The following RASSF3 variants were observed in gnomAD, a reference collection of about 807,000 sequenced individuals.
RASSF3 encodes the protein Ras association domain family member 3.
RASSF3 carries 19 observed loss-of-function variants against 19.9 expected under a neutral mutation model. That is an observed-to-expected ratio of 0.96 (90% CI 0.67 to 1.40). The LOEUF is 1.40. Ranked by LOEUF, RASSF3 falls within the 40% of genes most tolerant of loss-of-function variation. The pLI, the probability that RASSF3 is intolerant of heterozygous loss-of-function variation, is 0.00. For missense variants in RASSF3, 306 were observed against 289.8 expected (o/e 1.06, Z -0.41); for synonymous variants, 110 against 104.2 (o/e 1.06, Z -0.34).
intron 1 of RASSF3, among the ~76,000 whole-genome samples, chr12:64,674,080 G>A (rs1378263306): frequency 6.6e-6 from 1 of 152,136 alleles, no homozygotes; most frequent in African/African-American, 2.4e-5. Context: ...TTAACATGCT[G>A]GGCCTGTTCC....
intron 2 of RASSF3, among the ~76,000 whole-genome samples, chr12:64,579,351 T>C (rs1869649437): frequency 2.7e-5 from 4 of 147,834 alleles, no homozygotes; most frequent in Admixed American, 2.0e-4. Context: ...AAGTTCTTTT[T>C]TTTTTTTTTT....
intron 1 of RASSF3, among the ~76,000 whole-genome samples, chr12:64,519,493 G>C (rs1391620226): frequency 6.6e-6 from 1 of 152,110 alleles, no homozygotes; most frequent in African/African-American, 2.4e-5. Context: ...AGACTGGGAA[G>C]GGCCATCATG....
chr12:64,601,763 T>A (rs554348181), intron 2 of RASSF3, among the ~76,000 whole-genome samples: 1 of 151,952 alleles, frequency 6.6e-6, no homozygotes, highest in East Asian at 1.9e-4. Context: ...CAGTGAGCTG[T>A]GATCAGGCCA....
intron 1 of RASSF3, among the ~76,000 whole-genome samples, chr12:64,679,126 G>A (rs925029857): frequency 2.0e-5 from 3 of 152,204 alleles, no homozygotes; most frequent in Non-Finnish European, 4.4e-5. Flanking sequence ...GCAATGGCAC[G>A]ATCTCAGCTC....
intron 1 of RASSF3, chr12:64,611,633 C>T (rs1488971591): frequency 6.6e-6 from 1 of 152,294 alleles, no homozygotes; most frequent in Non-Finnish European, 1.5e-5. Flanking sequence ...GCCACGCTCA[C>T]ATCAGATTAC....
chr12:64,669,752 G>A (rs997724530), intron 1 of RASSF3, among the ~76,000 whole-genome samples: 5 of 151,748 alleles, frequency 3.3e-5, no homozygotes, highest in Admixed American at 1.3e-4. Context: ...AAGGTGGAGC[G>A]GGAGGCCCTT....
At chr12:64,681,752 C>A (rs1276378572) in intron 1 of RASSF3, among the ~76,000 whole-genome samples, 1 of 152,148 alleles carries the variant, frequency 6.6e-6, no homozygotes, top group South Asian at 2.1e-4. Flanking sequence ...GTGGCTCATA[C>A]CTGTAATCTC....
rs559219298 is a variant in RASSF3, at chr12:64,664,790, G to A, written c.112-19997G>A. 1.2e-4 allele frequency among the ~76,000 whole-genome samples: 19 copies of A among 152,296 alleles called. No individual in the cohort carries two copies. In the South Asian group the frequency reaches 1.4e-3, roughly 12 times the overall value. ...CTCAATAGTTATAGAAGACAGCTCT[G>A]ATTTTGGGGGGTCATCTCTGGTTGC... On this transcript the variant is annotated intron_variant, in intron 1 of 4. Transcript: ENST00000542104.
chr12:64,685,220 T>C (rs1172380659), intron 2 of RASSF3, among the ~76,000 whole-genome samples: 1 of 152,006 alleles, frequency 6.6e-6, no homozygotes, highest in Non-Finnish European at 1.5e-5. Flanking sequence ...GTGACTCAGA[T>C]TCTAAGAAGA....
At chr12:64,516,797 A>T (rs1170505277) in intron 1 of RASSF3, among the ~76,000 whole-genome samples, 1 of 151,906 alleles carries the variant, frequency 6.6e-6, no homozygotes, top group Non-Finnish European at 1.5e-5. Context: ...GTCAGGAGTG[A>T]GAGACCAGCC....
At chr12:64,621,043 C>A (rs976347494) in intron 1 of RASSF3, among the ~76,000 whole-genome samples, 2 of 152,062 alleles carry the variant, frequency 1.3e-5, no homozygotes, top group Admixed American at 6.5e-5. Flanking sequence ...TCAAGAGATT[C>A]TCCTGCCTCA....
At chr12:64,628,470 G>A (rs1476211886) in intron 1 of RASSF3, 1 of 152,096 alleles carries the variant, frequency 6.6e-6, no homozygotes, top group Admixed American at 6.6e-5. Context: ...GGGATTGAAG[G>A]AGTATGTTCA....
intron 2 of RASSF3, among the ~76,000 whole-genome samples, chr12:64,585,393 T>C (rs1292435477): frequency 6.6e-6 from 1 of 152,066 alleles, no homozygotes; most frequent in African/African-American, 2.4e-5. Context: ...GGGCAATCAT[T>C]GAAAAATCCA....
intron 2 of RASSF3, among the ~76,000 whole-genome samples, 174 bp from the exon 3 acceptor site, chr12:64,688,042 G>A (rs1873424685): frequency 1.3e-5 from 2 of 152,306 alleles, no homozygotes; most frequent in African/African-American, 4.8e-5. Flanking sequence ...TGCCTGGTGT[G>A]TTAACCGCCC....
chr12:64,544,129 A>G (rs1022519846), downstream of RASSF3, among the ~76,000 whole-genome samples: 2 of 152,026 alleles, frequency 1.3e-5, no homozygotes, highest in African/African-American at 4.8e-5. Context: ...AAATCCTGGT[A>G]CTGCTCACTC....
At chr12:64,639,887 C>T (rs1187263919) in intron 1 of RASSF3, among the ~76,000 whole-genome samples, 1 of 152,202 alleles carries the variant, frequency 6.6e-6, no homozygotes, top group African/African-American at 2.4e-5. Flanking sequence ...GGATCTTGGC[C>T]ACAAGGTCTG....
intron 1 of RASSF3, among the ~76,000 whole-genome samples, chr12:64,625,942 T>C (rs1253491452): frequency 6.6e-6 from 1 of 152,156 alleles, no homozygotes; most frequent in Non-Finnish European, 1.5e-5. Flanking sequence ...TGGAACCCGG[T>C]GGGAAACCTC....
At position 64,644,605 on chromosome 12, in the gene RASSF3, G is replaced by A. The variant is rs1430479108; in HGVS notation, c.111+33862G>A. On this transcript the variant is annotated intron_variant, in intron 1 of 4. Transcript: ENST00000542104. ...CCAGCTACCCGGGAGGCTAAGGTGG[G>A]AAGATCACCTGAGCCCAGGAGGTTG... Among the ~76,000 whole-genome samples, 3 of 152,026 alleles carry A rather than the reference G, an allele frequency of 2.0e-5. No individual in the cohort carries two copies. The East Asian group carries it at 5.8e-4, about 29-fold the overall frequency.
intron 1 of RASSF3, among the ~76,000 whole-genome samples, chr12:64,517,982 G>A (rs1868396915): frequency 6.6e-6 from 1 of 152,102 alleles, no homozygotes; most frequent in Non-Finnish European, 1.5e-5. Flanking sequence ...ACTCTGGGAA[G>A]TGGGGTTGAA....
Sources: gnomAD v4.1 joint callset for allele counts (sites outside exome capture counted in the v4.1 genomes callset) on GRCh38, gnomAD v4.1.1 for gene constraint, MANE v1.5 for transcripts, NCBI Gene and HGNC (gene_info 2026-07-23, HGNC 2026-07-21) for gene names.